The following AFF3 variants were observed in gnomAD, a reference collection of about 807,000 sequenced individuals.
AFF3 encodes the protein ALF transcription elongation factor 3.
AFF3 carries 32 observed loss-of-function variants against 129.7 expected under a neutral mutation model. The observed-to-expected ratio is 0.25, with a 90% CI of 0.19 to 0.33. The LOEUF (loss-of-function observed/expected upper bound fraction) is 0.33, where lower values mean the gene tolerates loss of function less well. Ranked by LOEUF, AFF3 falls within the 10% of genes least tolerant of loss-of-function variation. The pLI is 1.00. For missense variants in AFF3, 1,373 were observed against 1,592.0 expected (o/e 0.86, Z 2.34); for synonymous variants, 644 against 635.4 (o/e 1.01, Z -0.20).
chr2:100,078,298 A>T, intron 4 of AFF3, among the ~76,000 whole-genome samples: 1 of 152,236 alleles, frequency 6.6e-6, no homozygotes, highest in East Asian at 1.9e-4. Flanking sequence ...CAGGTTTGTC[A>T]AGGTCTATGA....
chr2:100,135,684 G>A (rs750343013), intron 1 of AFF3, among the ~76,000 whole-genome samples: 1 of 152,228 alleles, frequency 6.6e-6, no homozygotes, highest in Non-Finnish European at 1.5e-5. Flanking sequence ...GTTTAGGGTA[G>A]TTGGTTATGC....
At chr2:99,901,510 T>TA (rs987405097) in intron 7 of AFF3, among the ~76,000 whole-genome samples, 2 of 152,192 alleles carry the variant, frequency 1.3e-5, no homozygotes, top group Non-Finnish European at 2.9e-5. Context: ...CCCAACCTGC[T>TA]ACTCTTCAGG....
intron 11 of AFF3, among the ~76,000 whole-genome samples, chr2:99,700,991 C>A (rs1256288090): frequency 1.3e-5 from 2 of 152,194 alleles, no homozygotes; most frequent in Admixed American, 1.3e-4. Context: ...TCCCGGGGAA[C>A]ACTCCACACT....
At chr2:99,683,982 C>T (rs1324406547) in intron 11 of AFF3, among the ~76,000 whole-genome samples, 1 of 152,158 alleles carries the variant, frequency 6.6e-6, no homozygotes, top group African/African-American at 2.4e-5. Flanking sequence ...TAGTTCTCTT[C>T]TGTATCTCCT....
intron 4 of AFF3, among the ~76,000 whole-genome samples, chr2:100,104,187 G>A (rs934339401): frequency 6.6e-6 from 1 of 152,056 alleles, no homozygotes; most frequent in African/African-American, 2.4e-5. Flanking sequence ...GCCGCCGCGA[G>A]GGAGGGGAAC....
At position 99,854,918 on chromosome 2, in the gene AFF3, T is replaced by C. The variant is rs1428865366; in HGVS notation, c.874-17394A>G. 2.6e-5 allele frequency among the ~76,000 whole-genome samples: 4 copies of C among 152,354 alleles called. No individual in the cohort carries two copies. The East Asian group carries it at 5.8e-4, about 22-fold the overall frequency. ...GAGGAAAAGGTAATGGTTTTAAAAATGGTTCTAGAACAACTGGCTACCCAT... is the reference window on the plus strand; with the variant it reads ...GAGGAAAAGGTAATGGTTTTAAAAACGGTTCTAGAACAACTGGCTACCCAT... On this transcript the variant is annotated intron_variant, in intron 7 of 24. Coordinates refer to ENST00000672756, the MANE Select transcript of AFF3 (RefSeq NM_001386135.1).
At chr2:99,935,693 A>G (rs1558989788) in intron 7 of AFF3, among the ~76,000 whole-genome samples, 2 of 152,230 alleles carry the variant, frequency 1.3e-5, no homozygotes, top group South Asian at 2.1e-4. Flanking sequence ...TAAATAGACC[A>G]TATCAAAGAG....
intron 11 of AFF3, among the ~76,000 whole-genome samples, chr2:99,690,240 G>A (rs562103684): frequency 6.8e-6 from 1 of 148,096 alleles, no homozygotes; most frequent in East Asian, 2.0e-4. Context: ...GAGTGCAGTG[G>A]CGCGATCTCG....
chr2:99,707,560 C>A, intron 11 of AFF3: 14 of 948,302 alleles, frequency 1.5e-5, no homozygotes, highest in Non-Finnish European at 1.7e-5. Flanking sequence ...CAAAGTATCT[C>A]GCTGAAAAAA....
At chr2:99,580,438 C>G (rs1049375637) in intron 17 of AFF3, among the ~76,000 whole-genome samples, 7 of 152,176 alleles carry the variant, frequency 4.6e-5, no homozygotes, top group Admixed American at 3.9e-4. Flanking sequence ...CAGCAGTTCT[C>G]AACTGGGGCA....
chr2:99,678,055 G>A (rs1444939537), intron 11 of AFF3, among the ~76,000 whole-genome samples: 1 of 152,230 alleles, frequency 6.6e-6, no homozygotes, highest in Non-Finnish European at 1.5e-5. Flanking sequence ...CACAGAAGGT[G>A]TACTGTCTCC....
intron 13 of AFF3, among the ~76,000 whole-genome samples, chr2:99,618,143 C>T (rs57152010): frequency 0.092 from 13,756 of 150,256 alleles, 713 homozygotes; most frequent in East Asian, 0.12. Context: ...TTGGCTACCT[C>T]GTTGACATTT....
At chr2:99,673,076 A>C (rs918505395) in intron 11 of AFF3, among the ~76,000 whole-genome samples, 2 of 151,476 alleles carry the variant, frequency 1.3e-5, no homozygotes, top group African/African-American at 4.9e-5. Flanking sequence ...TCAAATACAT[A>C]GGGGCTTTTC....
At chr2:100,133,368 G>GT (rs1692505612) in intron 1 of AFF3, among the ~76,000 whole-genome samples, 1 of 152,006 alleles carries the variant, frequency 6.6e-6, no homozygotes, top group Non-Finnish European at 1.5e-5. Flanking sequence ...GTTTGAAAAT[G>GT]TATCTCCTAG....
chr2:99,647,905 GA>G (rs1485856781), intron 13 of AFF3, among the ~76,000 whole-genome samples: 2 of 151,960 alleles, frequency 1.3e-5, no homozygotes, highest in Admixed American at 1.3e-4. Flanking sequence ...GAAAATATCA[GA>G]AAAAAAGGAA....
rs1344057160 is a variant in AFF3, at chr2:100,090,227, C to T, written c.53+14175G>A. ...ATGATCTACATGAAAAAAAAAATCA[C>T]CTTACAATTTCAGATGACTTTCATG... On this transcript the variant is annotated intron_variant, in intron 4 of 24. Transcript: ENST00000672756. Among the ~76,000 whole-genome samples, 42 of 139,534 alleles carry T rather than the reference C, an allele frequency of 3.0e-4. 1 individual carries two copies. In the East Asian group the frequency reaches 8.7e-3, roughly 29 times the overall value. The allele number at this position is 139,534 out of a possible 152,430, so 91.5% of individuals were successfully genotyped here.
intron 14 of AFF3, among the ~76,000 whole-genome samples, chr2:99,598,823 C>A (rs1160948170): frequency 6.6e-6 from 1 of 152,262 alleles, no homozygotes; most frequent in East Asian, 1.9e-4. Context: ...GTGGAGGACA[C>A]ACAGGGTGAT....
chr2:99,683,247 T>C (rs1674697009), intron 11 of AFF3, among the ~76,000 whole-genome samples: 1 of 152,230 alleles, frequency 6.6e-6, no homozygotes. Context: ...AAAGTTGCTC[T>C]GCCTTCTGTT....
At chr2:99,585,119 T>G (rs1677964586) in intron 16 of AFF3, among the ~76,000 whole-genome samples, 2 of 152,338 alleles carry the variant, frequency 1.3e-5, no homozygotes, top group South Asian at 4.1e-4. Context: ...ATGCTGAAGA[T>G]AATGCGAACA....
Sources: allele counts gnomAD v4.1 joint callset (sites outside exome capture counted in the v4.1 genomes callset), GRCh38; gene constraint gnomAD v4.1.1; transcripts MANE v1.5; gene names NCBI Gene and HGNC (gene_info 2026-07-23, HGNC 2026-07-21).